PARD3B: variants seen among roughly 807,000 people sequenced by gnomAD.
The protein encoded by PARD3B is partitioning defective 3 homolog B.
Under a neutral mutation model 130.2 loss-of-function variants are expected in PARD3B, and 103 were observed. That is an observed-to-expected ratio of 0.79 (90% CI 0.67 to 0.93). PARD3B has a LOEUF of 0.93. PARD3B is among the 40% of genes least tolerant of loss of function. The pLI, the probability that PARD3B is intolerant of heterozygous loss-of-function variation, is 0.00. For missense variants in PARD3B, 1,609 were observed against 1,499.2 expected, an observed-to-expected ratio of 1.07 and a Z score of -1.21; for synonymous variants, 583 against 553.2, an observed-to-expected ratio of 1.05 and a Z score of -0.76.
chr2:205,606,059 G>A (rs915810788), intron 22 of PARD3B, among the ~76,000 whole-genome samples: 1 of 152,178 alleles, frequency 6.6e-6, no homozygotes, highest in African/African-American at 2.4e-5. Context: ...GCACTGTGGG[G>A]AATTCCTCCT....
rs958051580 is a variant in PARD3B at position 205,021,054 on chromosome 2, A to G, written c.395-26527A>G. On this transcript the variant is annotated intron_variant, in intron 3 of 22. Coordinates refer to ENST00000406610, the MANE Select transcript of PARD3B (RefSeq NM_001302769.2). This position sits in a 1 kb window ranked among gnomAD's most constrained non-coding sequence, Gnocchi z 4.5. ...GTCAGCTGAAAAGATGGCAGAGTTC[A>G]GAGAAAGGTGATGGGAGATGGTGGG... Among the ~76,000 whole-genome samples the G allele has an allele frequency of 6.6e-6, 1 of 152,178 alleles. No homozygotes were observed.
At chr2:204,593,169 A>T (rs1359045006) in intron 1 of PARD3B, among the ~76,000 whole-genome samples, 1 of 152,134 alleles carries the variant, frequency 6.6e-6, no homozygotes, top group East Asian at 1.9e-4. Context: ...ATGTAAGATT[A>T]TGGTGACTAC....
chr2:205,064,672 C>G (rs1276794106), intron 4 of PARD3B, among the ~76,000 whole-genome samples: 1 of 152,088 alleles, frequency 6.6e-6, no homozygotes, highest in Non-Finnish European at 1.5e-5. Context: ...TATGAATAAT[C>G]AGTATTGGCA....
intron 4 of PARD3B, among the ~76,000 whole-genome samples, chr2:205,057,346 TA>T (rs1699715668): frequency 1.2e-5 from 1 of 84,934 alleles, no homozygotes; most frequent in African/African-American, 3.5e-5. Context: ...GTTATATACA[TA>T]TACATATATA....
chr2:204,623,618 A>G lies in PARD3B; in HGVS notation c.121-62563A>G, dbSNP rs1279600694. Among the ~76,000 whole-genome samples the G allele has an allele frequency of 2.6e-5, 4 of 152,158 alleles. No homozygotes were observed. The highest frequency in any genetic ancestry group is 2.9e-5 in the Non-Finnish European group (2 of 68,022). ...TATATCCAAGTTGTTGCATGTATCA[A>G]TAATTCATTCCCTTTTTCTTTATTG... On this transcript the variant is annotated intron_variant, in intron 1 of 22. Coordinates refer to ENST00000406610, the MANE Select transcript of PARD3B (RefSeq NM_001302769.2). This position sits in a 1 kb window ranked among gnomAD's most constrained non-coding sequence, Gnocchi z 4.5.
Position 205,176,312 on chromosome 2 carries a change from C to T in PARD3B, c.1792-133C>T. On this transcript the variant is annotated intron_variant, in intron 12 of 22. Coordinates refer to ENST00000406610, the MANE Select transcript of PARD3B (RefSeq NM_001302769.2). This position sits in a 1 kb window ranked among gnomAD's most constrained non-coding sequence, Gnocchi z 5.3. ...TCACTGATAGGGCCATTTTGAGTTT[C>T]CACAGTTGAGGACTTAAGTGTAATA... 3 of 829,088 alleles carry T rather than the reference C, an allele frequency of 3.6e-6. No homozygotes were observed. The highest frequency in any genetic ancestry group is 5.3e-6 in the Non-Finnish European group (3 of 567,834). 51.4% of individuals were successfully genotyped at this position (829,088 alleles called of 1,614,324 possible). A position where few individuals can be genotyped will look rare whatever the true frequency, so the allele number is the denominator to read the frequency against.
intron 21 of PARD3B, among the ~76,000 whole-genome samples, chr2:205,524,909 T>C (rs931869742): frequency 6.6e-6 from 1 of 152,150 alleles, no homozygotes; most frequent in Non-Finnish European, 1.5e-5. Context: ...GTTTCACCTG[T>C]TTTATATGCG....
At chr2:205,299,003 A>G (rs2041892276) in intron 16 of PARD3B, among the ~76,000 whole-genome samples, 1 of 152,186 alleles carries the variant, frequency 6.6e-6, no homozygotes, top group East Asian at 1.9e-4. Flanking sequence ...CAGTAGCACA[A>G]CTATAAGGAT....
chr2:204,604,823 C>G (rs2033649607), intron 1 of PARD3B, among the ~76,000 whole-genome samples: 1 of 152,102 alleles, frequency 6.6e-6, no homozygotes, highest in African/African-American at 2.4e-5. Context: ...TTTATGATAT[C>G]TCTTGGGCTT....
chr2:205,113,340 T>G (rs1703776979), intron 5 of PARD3B, 151 bp from the exon 6 acceptor site: 1 of 469,684 alleles, frequency 2.1e-6, no homozygotes, highest in Non-Finnish European at 3.8e-6. Flanking sequence ...TACCAATAAA[T>G]TATGTACTCT....
At chr2:204,546,217 A>T in intron 1 of PARD3B, 98 bp downstream of exon 1, 1 of 1,479,848 alleles carries the variant, frequency 6.8e-7, no homozygotes, top group Non-Finnish European at 9.1e-7. Flanking sequence ...AACCCAGGGG[A>T]TTATGGGGCA....
intron 22 of PARD3B, among the ~76,000 whole-genome samples, chr2:205,582,984 G>A (rs931078193): frequency 1.3e-5 from 2 of 152,136 alleles, no homozygotes; most frequent in African/African-American, 4.8e-5. Context: ...ATGGCAGGTG[G>A]GGGGAAGGGT....
At chr2:204,847,201 G>A (rs1214232745) in intron 2 of PARD3B, among the ~76,000 whole-genome samples, 2 of 100,862 alleles carry the variant, frequency 2.0e-5, no homozygotes, top group Non-Finnish European at 4.2e-5. Context: ...CATTGTTTAT[G>A]TTTTAACTAC....
At chr2:205,164,629 G>C (rs1208501340) in intron 11 of PARD3B, among the ~76,000 whole-genome samples, 1 of 151,624 alleles carries the variant, frequency 6.6e-6, no homozygotes. Flanking sequence ...ATTTTGATGT[G>C]TATTTTGGAC....
chr2:205,071,487 A>G (rs1028971026), intron 4 of PARD3B, among the ~76,000 whole-genome samples: 2 of 152,210 alleles, frequency 1.3e-5, no homozygotes, highest in African/African-American at 2.4e-5. Flanking sequence ...ATCAATGTCT[A>G]TAATTGTTTT....
At position 204,675,805 on chromosome 2, in the gene PARD3B, A is replaced by G. The variant is rs986714392; in HGVS notation, c.121-10376A>G. ...AATACTTAAATATTTTTCTATTTGA[A>G]AAAGGGAATAAGTAATATTATTAAA... On this transcript the variant is annotated intron_variant, in intron 1 of 22. Coordinates refer to ENST00000406610, the MANE Select transcript of PARD3B (RefSeq NM_001302769.2). This position sits in a 1 kb window ranked among gnomAD's most constrained non-coding sequence, Gnocchi z 4.4. 2.6e-5 allele frequency among the ~76,000 whole-genome samples: 4 copies of G among 152,200 alleles called. No homozygotes were observed. Among genetic ancestry groups the G allele is most frequent in the African/African-American group, 7.2e-5 (3 of 41,456 alleles).
chr2:205,382,076 G>C (rs927878208), intron 18 of PARD3B, among the ~76,000 whole-genome samples: 1 of 152,008 alleles, frequency 6.6e-6, no homozygotes. Flanking sequence ...AATTAACATG[G>C]TTACAAAACT....
Position 205,122,281 on chromosome 2 carries a change from G to T in PARD3B, c.1165+332G>T, listed in dbSNP as rs1031200780. On this transcript the variant is annotated intron_variant, in intron 8 of 22. Transcript: ENST00000406610. This position sits in a 1 kb window ranked among gnomAD's most constrained non-coding sequence, Gnocchi z 4.3. Reference sequence around the variant, plus strand: ...ATTCAGTTGTCCCTGTTCTGAGCACGATTAGTGATTCTTGAAGCATCCTTT... The same window carrying T: ...ATTCAGTTGTCCCTGTTCTGAGCACTATTAGTGATTCTTGAAGCATCCTTT... 6.6e-6 allele frequency among the ~76,000 whole-genome samples: 1 copy of T among 152,142 alleles called. No homozygotes were observed. The highest frequency in any genetic ancestry group is 2.1e-4 in the South Asian group (1 of 4,830).
chr2:205,592,965 G>T lies in PARD3B; in HGVS notation c.3261-22491G>T, dbSNP rs2054441015. Among the ~76,000 whole-genome samples, 1 of 152,240 alleles carries T rather than the reference G, an allele frequency of 6.6e-6. No homozygotes were observed. The highest frequency in any genetic ancestry group is 2.4e-5 in the African/African-American group (1 of 41,472). On this transcript the variant is annotated intron_variant, in intron 22 of 22. Coordinates refer to ENST00000406610, the MANE Select transcript of PARD3B (RefSeq NM_001302769.2). The surrounding 1 kb of genome is among the most constrained non-coding windows in gnomAD (Gnocchi z 4.5). ...GTCTTTCATCTCATTGCCCAGCTAG[G>T]TGCAACCTGGATAGACATTGTGGCC...
Sources: gnomAD v4.1 joint callset for allele counts (sites outside exome capture counted in the v4.1 genomes callset) on GRCh38, gnomAD v4.1.1 for gene constraint, Gnocchi (gnomAD v3.1) non-coding constraint, MANE v1.5 for transcripts, NCBI Gene and HGNC (gene_info 2026-07-23, HGNC 2026-07-21) for gene names.